The following RARB variants were observed in gnomAD, a reference collection of about 807,000 sequenced individuals.
RARB encodes HBV-activated protein.
In RARB, 17 loss-of-function variants were observed where a neutral mutation model predicts 51.9. The observed-to-expected ratio is 0.33, with a 90% CI of 0.22 to 0.49. The LOEUF is 0.49. Ranked by LOEUF, RARB falls within the 20% of genes least tolerant of loss-of-function variation. RARB has a pLI of 0.99. For synonymous variants in RARB, 215 were observed against 195.4 expected, an observed-to-expected ratio of 1.10 and a Z score of -0.84; for missense variants, 369 against 550.8, an observed-to-expected ratio of 0.67 and a Z score of 3.30.
chr3:25,186,347 G>A (rs898563936), intron 5 of RARB, among the ~76,000 whole-genome samples: 2 of 151,720 alleles, frequency 1.3e-5, no homozygotes, highest in African/African-American at 4.8e-5. Context: ...CACGGCTGGT[G>A]AGATCCTACA....
chr3:24,959,177 C>A (rs1331058212), intron 2 of RARB, among the ~76,000 whole-genome samples: 1 of 152,212 alleles, frequency 6.6e-6, no homozygotes, highest in African/African-American at 2.4e-5. Flanking sequence ...GAGGCAGTTG[C>A]TCTCTGCCAG....
At chr3:25,342,607 A>G (rs1481119219) in intron 5 of RARB, among the ~76,000 whole-genome samples, 1 of 152,222 alleles carries the variant, frequency 6.6e-6, no homozygotes, top group African/African-American at 2.4e-5. Flanking sequence ...ACCCAATATC[A>G]GCAAACTGCC....
In RARB at chr3:25,143,138, C is replaced by T. The variant is rs80291144; in HGVS notation, c.-280+10930C>T. On this transcript the variant is annotated intron_variant, in intron 4 of 11. Transcript: ENST00000383772. The stretch of plus-strand genomic sequence containing the variant: ...GACAATGAATTATTTGCTCTTTTTG[C>T]CATTCAGGAGCCTGTACTTAGACAC... Among the ~76,000 whole-genome samples, 819 of 152,128 alleles carry T rather than the reference C, an allele frequency of 5.4e-3. 19 individuals carry two copies. The East Asian group carries it at 0.065, about 12-fold the overall frequency.
chr3:24,948,435 A>G (rs1695820251), intron 2 of RARB, among the ~76,000 whole-genome samples: 1 of 152,254 alleles, frequency 6.6e-6, no homozygotes, highest in Non-Finnish European at 1.5e-5. Flanking sequence ...GAAGCTAAAA[A>G]GATGTTTGTT....
At chr3:25,462,800 C>T (rs2125557425) in intron 2 of RARB, among the ~76,000 whole-genome samples, 1 of 152,248 alleles carries the variant, frequency 6.6e-6, no homozygotes, top group South Asian at 2.1e-4. Context: ...CAGCTCTCCT[C>T]CATGTGATCC....
At chr3:25,310,542 C>A (rs1704263365) in intron 5 of RARB, among the ~76,000 whole-genome samples, 1 of 152,130 alleles carries the variant, frequency 6.6e-6, no homozygotes, top group Non-Finnish European at 1.5e-5. Context: ...ATGTAGCAGA[C>A]AAAATGCAGT....
intron 5 of RARB, among the ~76,000 whole-genome samples, chr3:25,266,709 G>A (rs1348985086): frequency 6.6e-6 from 1 of 152,120 alleles, no homozygotes; most frequent in Non-Finnish European, 1.5e-5. Flanking sequence ...GTTGAGTGAG[G>A]TCATAAGGCT....
chr3:25,554,581 G>A (rs1479487575), intron 3 of RARB, among the ~76,000 whole-genome samples: 1 of 152,022 alleles, frequency 6.6e-6, no homozygotes, highest in Non-Finnish European at 1.5e-5. Context: ...GCCACTCCTG[G>A]GCTAGACTGT....
At chr3:25,586,144 CT>C in intron 5 of RARB, among the ~76,000 whole-genome samples, 1 of 152,228 alleles carries the variant, frequency 6.6e-6, no homozygotes, top group African/African-American at 2.4e-5. Flanking sequence ...GACTCAGAGC[CT>C]TTTTACATCC....
chr3:25,048,621 T>C (rs2125298442), intron 2 of RARB, among the ~76,000 whole-genome samples: 1 of 152,314 alleles, frequency 6.6e-6, no homozygotes, highest in East Asian at 1.9e-4. Context: ...ATTAGTGGTT[T>C]CTCTGGCCAA....
intron 3 of RARB, among the ~76,000 whole-genome samples, chr3:25,128,142 C>T (rs1471890167): frequency 6.6e-6 from 1 of 152,056 alleles, no homozygotes; most frequent in Non-Finnish European, 1.5e-5. Context: ...GGGTTCTAAC[C>T]TGCTGACCAT....
At chr3:25,306,855 G>A (rs1472010539) in intron 5 of RARB, among the ~76,000 whole-genome samples, 5 of 152,150 alleles carry the variant, frequency 3.3e-5, no homozygotes, top group Non-Finnish European at 7.4e-5. Context: ...CTTCAAATCA[G>A]AAGTCATTTG....
chr3:25,012,638 T>A (rs1240658058), intron 2 of RARB, among the ~76,000 whole-genome samples: 1 of 152,204 alleles, frequency 6.6e-6, no homozygotes, highest in Non-Finnish European at 1.5e-5. Flanking sequence ...GACTTTCTAA[T>A]GAGTGAGCAC....
chr3:25,133,116 T>C (rs2125333858), intron 4 of RARB, among the ~76,000 whole-genome samples: 1 of 152,076 alleles, frequency 6.6e-6, no homozygotes, highest in African/African-American at 2.4e-5. Context: ...TTAGATTTAA[T>C]TTAGACATTT....
intron 3 of RARB, among the ~76,000 whole-genome samples, chr3:25,089,352 A>G (rs1221971333): frequency 6.6e-6 from 1 of 152,078 alleles, no homozygotes; most frequent in Non-Finnish European, 1.5e-5. Context: ...ACATTGGAGT[A>G]TACAGAAAAT....
chr3:25,201,474 A>G (rs1343722658), intron 5 of RARB, among the ~76,000 whole-genome samples: 1 of 152,158 alleles, frequency 6.6e-6, no homozygotes, highest in African/African-American at 2.4e-5. Flanking sequence ...TGTGTTGCAT[A>G]GGAGTGGTGA....
chr3:25,503,406 G>T (rs1697411510), intron 3 of RARB, among the ~76,000 whole-genome samples: 1 of 152,180 alleles, frequency 6.6e-6, no homozygotes, highest in Admixed American at 6.5e-5. Flanking sequence ...TGGACTCAGG[G>T]AAAATCAGTA....
At chr3:25,591,633 T>C (rs1056674208) in intron 5 of RARB, among the ~76,000 whole-genome samples, 1 of 152,226 alleles carries the variant, frequency 6.6e-6, no homozygotes, top group Non-Finnish European at 1.5e-5. Context: ...GGAGAAATAA[T>C]ATACTAGTGT....
chr3:24,969,131 A>C, intron 2 of RARB, among the ~76,000 whole-genome samples: 1 of 152,146 alleles, frequency 6.6e-6, no homozygotes, highest in Non-Finnish European at 1.5e-5. Flanking sequence ...CTGAAGTTGT[A>C]TAAATCTATG....
Sources: allele counts gnomAD v4.1 joint callset (sites outside exome capture counted in the v4.1 genomes callset), GRCh38; gene constraint gnomAD v4.1.1; transcripts MANE v1.5; gene names NCBI Gene and HGNC (gene_info 2026-07-23, HGNC 2026-07-21).